Variants in SULF1 observed in about 807,000 individuals in gnomAD.
The protein encoded by SULF1 is sulfatase 1, also known as extracellular sulfatase Sulf-1.
In SULF1, 46 loss-of-function variants were observed where a neutral mutation model predicts 110.5. The ratio of observed to expected loss-of-function variants is 0.42; its 90% CI spans 0.33 to 0.53. The LOEUF is 0.53. Ranked by LOEUF, SULF1 falls within the 20% of genes least tolerant of loss-of-function variation. The pLI, the probability that SULF1 is intolerant of heterozygous loss-of-function variation, is 0.12. For synonymous variants in SULF1, 371 were observed against 387.1 expected (o/e 0.96, Z 0.49); for missense variants, 941 against 1,094.2 (o/e 0.86, Z 1.98).
At position 69,576,095 on chromosome 8, in the gene SULF1, G is replaced by A; in HGVS notation, c.298G>A (p.Val100Met). 6.2e-7 allele frequency: 1 copy of A among 1,614,168 alleles called. No homozygotes were observed. Among genetic ancestry groups the A allele is most frequent in the Non-Finnish European group, 8.5e-7 (1 of 1,180,042 alleles). Residue 100 changes from valine to methionine, a missense_variant, in exon 6 of 23, where the codon GTG (valine) becomes ATG (methionine). Transcript: ENST00000402687. ...GTCCTCCATGCTCACCGGGAAGTAT[G>A]TGCACAATCACAATGTCTACACCAA... ...SRSSMLTGKYVHNHNVYTNNE... is the reference protein window; with the variant it reads ...SRSSMLTGKYMHNHNVYTNNE...
chr8:69,624,248 A>G (rs1488393576), intron 15 of SULF1, 51 bp downstream of exon 15: 10 of 1,522,982 alleles, frequency 6.6e-6, no homozygotes, highest in Non-Finnish European at 8.8e-6. Flanking sequence ...TTACCACCAC[A>G]ACACACCATA....
At position 69,659,085 on chromosome 8, in the gene SULF1, C is replaced by A. The variant is rs1335959941; in HGVS notation, c.*550C>A. On this transcript the variant is annotated 3_prime_UTR_variant, in exon 23 of 23. Coordinates refer to ENST00000402687, the MANE Select transcript of SULF1 (RefSeq NM_001128205.2). ...CCAGGCTGCAGCCCATTCGCAGGCA[C>A]CCGAAAGAACTTCCCCAGTATGGTG... The A allele has an allele frequency of 2.2e-6, 1 of 456,940 alleles. No individual in the cohort carries two copies. The highest frequency in any genetic ancestry group is 4.4e-6 in the Non-Finnish European group (1 of 227,020). 28.3% of individuals were successfully genotyped at this position (456,940 alleles called of 1,614,324 possible). A position where few individuals can be genotyped will look rare whatever the true frequency, so the allele number is the denominator to read the frequency against.
At chr8:69,547,855 T>G (rs1586367371) in intron 3 of SULF1, among the ~76,000 whole-genome samples, 1 of 152,136 alleles carries the variant, frequency 6.6e-6, no homozygotes, top group Non-Finnish European at 1.5e-5. Flanking sequence ...GAAGTTAGAA[T>G]AAATGGAATT....
intron 6 of SULF1, among the ~76,000 whole-genome samples, chr8:69,578,240 C>G (rs1298468001): frequency 1.3e-5 from 2 of 152,148 alleles, no homozygotes; most frequent in African/African-American, 4.8e-5. Context: ...AACTAAAACT[C>G]AAAGATGATT....
Position 69,503,037 on chromosome 8 carries a change from A to T in SULF1, c.-134+1069A>T, listed in dbSNP as rs188827651. On this transcript the variant is annotated intron_variant, in intron 3 of 22. Coordinates refer to ENST00000402687, the MANE Select transcript of SULF1 (RefSeq NM_001128205.2). ...CGTTGGCCCAAGGTGGCTTGGAATAAGTCCTGTAATCACCAAAACTTTCAT... is the reference window on the plus strand; with the variant it reads ...CGTTGGCCCAAGGTGGCTTGGAATATGTCCTGTAATCACCAAAACTTTCAT... 1.5e-4 allele frequency among the ~76,000 whole-genome samples: 23 copies of T among 152,256 alleles called. No individual in the cohort carries two copies. In the East Asian group the frequency reaches 3.5e-3, roughly 23 times the overall value.
chr8:69,486,315 CT>C (rs201819664), intron 1 of SULF1, among the ~76,000 whole-genome samples: 4 of 108,918 alleles, frequency 3.7e-5, no homozygotes, highest in African/African-American at 2.3e-4. Flanking sequence ...AGAAACCAGG[CT>C]TTTTTTAAAA....
intron 22 of SULF1, among the ~76,000 whole-genome samples, chr8:69,658,117 T>C (rs769949914): frequency 2.6e-5 from 4 of 152,208 alleles, no homozygotes; most frequent in Non-Finnish European, 5.9e-5. Context: ...TAGTAATGAT[T>C]TTATCATACA....
intron 1 of SULF1, among the ~76,000 whole-genome samples, chr8:69,476,926 C>A (rs1214988808): frequency 6.6e-6 from 1 of 152,112 alleles, no homozygotes; most frequent in East Asian, 1.9e-4. Context: ...GGTTTAGCTG[C>A]CAAACTTAAA....
At chr8:69,557,996 C>T (rs1477054396) in intron 3 of SULF1, among the ~76,000 whole-genome samples, 1 of 152,162 alleles carries the variant, frequency 6.6e-6, no homozygotes, top group Admixed American at 6.6e-5. Flanking sequence ...GTAAATTAGA[C>T]CAGGAAACAG....
chr8:69,522,924 CAAG>C (rs1232804366), intron 3 of SULF1, among the ~76,000 whole-genome samples: 3 of 152,200 alleles, frequency 2.0e-5, no homozygotes, highest in Admixed American at 1.3e-4. Flanking sequence ...AAGAAAAAAA[CAAG>C]AAATATGACA....
At chr8:69,467,986 TA>T in intron 1 of SULF1, among the ~76,000 whole-genome samples, 1 of 134,578 alleles carries the variant, frequency 7.4e-6, no homozygotes, top group Non-Finnish European at 1.6e-5. Flanking sequence ...TAATTTATAG[TA>T]TTAAAAAAAA....
intron 3 of SULF1, among the ~76,000 whole-genome samples, chr8:69,551,975 C>G (rs1374913488): frequency 6.6e-6 from 1 of 152,130 alleles, no homozygotes; most frequent in African/African-American, 2.4e-5. Flanking sequence ...ACCTGTAATC[C>G]CAGCTACTCA....
At chr8:69,492,701 G>C (rs1209401307), upstream of SULF1, 1 of 152,358 alleles carries the variant, frequency 6.6e-6, no homozygotes, top group East Asian at 1.9e-4. Flanking sequence ...GCCGTGTCCC[G>C]AAATTCACCC....
intron 15 of SULF1, among the ~76,000 whole-genome samples, 179 bp from the exon 16 acceptor site, chr8:69,627,031 A>T (rs975375970): frequency 2.0e-5 from 3 of 152,204 alleles, no homozygotes; most frequent in Non-Finnish European, 2.9e-5. Flanking sequence ...CGCTGTCACG[A>T]CTGCCAGCAC....
At chr8:69,654,515 T>G (rs1812573437) in intron 22 of SULF1, among the ~76,000 whole-genome samples, 1 of 152,234 alleles carries the variant, frequency 6.6e-6, no homozygotes, top group Admixed American at 6.5e-5. Flanking sequence ...ACCTGCCCTA[T>G]CAGGCCCTTA....
At chr8:69,542,930 G>T (rs2150672596) in intron 3 of SULF1, among the ~76,000 whole-genome samples, 1 of 152,160 alleles carries the variant, frequency 6.6e-6, no homozygotes, top group South Asian at 2.1e-4. Context: ...CAGAATAATG[G>T]GGGTAAAGCA....
intron 13 of SULF1, 104 bp from the exon 14 acceptor site, chr8:69,620,931 A>T: frequency 1.2e-6 from 1 of 858,090 alleles, no homozygotes; most frequent in Non-Finnish European, 1.8e-6. Context: ...TGATATTGCC[A>T]GTGCTTCTAA....
chr8:69,630,991 C>G (rs562380626), intron 19 of SULF1, among the ~76,000 whole-genome samples: 160 of 151,768 alleles, frequency 1.1e-3, no homozygotes, highest in African/African-American at 3.8e-3. Context: ...GCAACAGTCC[C>G]CGGTGTGTGA....
At chr8:69,519,090 T>C (rs1812119263) in intron 3 of SULF1, among the ~76,000 whole-genome samples, 2 of 152,190 alleles carry the variant, frequency 1.3e-5, no homozygotes, top group African/African-American at 4.8e-5. Flanking sequence ...AGTTGCTTCA[T>C]ATGTCATTTG....
Sources: allele counts gnomAD v4.1 joint callset (sites outside exome capture counted in the v4.1 genomes callset), GRCh38; gene constraint gnomAD v4.1.1; transcripts MANE v1.5; gene names NCBI Gene and HGNC (gene_info 2026-07-23, HGNC 2026-07-21).